ZNF469: variants seen among roughly 807,000 people sequenced by gnomAD.
ZNF469 encodes zinc finger protein 469.
A neutral mutation model predicts 1.0 loss-of-function variants in ZNF469; 1 was observed. The ratio of observed to expected loss-of-function variants is 1.00; its 90% confidence interval spans 0.35 to 4.73. The LOEUF (loss-of-function observed/expected upper bound fraction) is 4.73, where lower values mean the gene tolerates loss of function less well. ZNF469 is among the 30% of genes most tolerant of loss of function. ZNF469 has a pLI of 0.16. For synonymous variants in ZNF469, 2,703 were observed against 2,363.4 expected (o/e 1.14, Z -4.17); for missense variants, 6,100 against 5,356.3 (o/e 1.14, Z -4.33).
chr16:88,392,233 G>T (rs971471927), intron 1 of ZNF469, among the ~76,000 whole-genome samples: 66 of 152,256 alleles, frequency 4.3e-4, no homozygotes, highest in African/African-American at 1.6e-3. Flanking sequence ...CTTGTACCGT[G>T]TCTTGATTCT....
chr16:88,407,706 C>T (rs1345520810), intron 1 of ZNF469, among the ~76,000 whole-genome samples: 1 of 152,232 alleles, frequency 6.6e-6, no homozygotes, highest in African/African-American at 2.4e-5. Context: ...GCCCCCAAGT[C>T]CCACCTGTGG....
the ZNF469 span, among the ~76,000 whole-genome samples, chr16:88,201,041 C>T: frequency 6.6e-6 from 1 of 152,218 alleles, no homozygotes; most frequent in Non-Finnish European, 1.5e-5. This position sits in a 1 kb window ranked among gnomAD's most constrained non-coding sequence, Gnocchi z 5.0. Flanking sequence ...CGGGCTGGAG[C>T]CAGAGGCTGG....
In ZNF469 at chr16:88,429,638, G is replaced by C. The variant is rs777747160; in HGVS notation, c.2168G>C (p.Ser723Thr). 210 of 1,543,978 alleles carry C rather than the reference G, an allele frequency of 1.4e-4. No homozygotes were observed. Among genetic ancestry groups the C allele is most frequent in the Middle Eastern group, 1.2e-3 (7 of 5,972 alleles). The part of the protein sequence containing the change: ...PTHHFSLSSA[S>T]LDQLDVLLTC... ...CACCACTTCTCCCTCAGCAGCGCCA[G>C]CCTGGACCAGCTGGACGTGCTGCTG... Residue 723 changes from serine to threonine, a missense_variant, in exon 3 of 3, where the codon AGC (serine) becomes ACC (threonine). Physicochemically the swap from Ser to Thr is moderately conservative, Grantham distance 58. Coordinates refer to ENST00000565624, the MANE Select transcript of ZNF469 (RefSeq NM_001367624.2).
the ZNF469 span, among the ~76,000 whole-genome samples, chr16:88,179,901 T>G: frequency 4.6e-5 from 7 of 152,236 alleles, no homozygotes; most frequent in African/African-American, 1.7e-4. Context: ...TGCTGTCAGG[T>G]TACTACATGT....
At chr16:88,298,502 G>A in the ZNF469 span, among the ~76,000 whole-genome samples, 34 of 152,334 alleles carry the variant, frequency 2.2e-4, no homozygotes, top group East Asian at 6.0e-3. Flanking sequence ...CCTGGAAGGC[G>A]AAACTCAAAA....
the ZNF469 span, among the ~76,000 whole-genome samples, chr16:88,344,121 G>T: frequency 1.0e-3 from 155 of 152,046 alleles, no homozygotes; most frequent in African/African-American, 3.7e-3. Flanking sequence ...ACACCTGAGC[G>T]GTCCTCACAA....
the ZNF469 span, among the ~76,000 whole-genome samples, chr16:88,128,519 G>C: frequency 2.0e-5 from 3 of 152,162 alleles, no homozygotes; most frequent in Non-Finnish European, 4.4e-5. Context: ...ACTTTGCTTA[G>C]AGGGTGCTCC....
chr16:88,166,664 G>A, the ZNF469 span, among the ~76,000 whole-genome samples: 11 of 151,830 alleles, frequency 7.2e-5, no homozygotes, highest in South Asian at 2.1e-4. This position sits in a 1 kb window ranked among gnomAD's most constrained non-coding sequence, Gnocchi z 4.5. Context: ...ATTGGAAACC[G>A]CCCATCGATA....
the ZNF469 span, chr16:88,179,049 G>A: frequency 2.8e-3 from 431 of 152,312 alleles, 1 homozygote; most frequent in African/African-American, 9.8e-3. Flanking sequence ...GAAGACGGGC[G>A]TGTGATCCTG....
the ZNF469 span, among the ~76,000 whole-genome samples, chr16:88,319,925 C>T: frequency 6.6e-6 from 1 of 152,210 alleles, no homozygotes; most frequent in Non-Finnish European, 1.5e-5. Context: ...ATGGTGGGCT[C>T]CTGACCCTCA....
At chr16:88,312,829 C>T in the ZNF469 span, among the ~76,000 whole-genome samples, 4 of 152,162 alleles carry the variant, frequency 2.6e-5, no homozygotes, top group African/African-American at 9.7e-5. Flanking sequence ...AGCCCCAAAC[C>T]GCATTTTACT....
At chr16:88,393,634 C>T (rs1356801840) in intron 1 of ZNF469, among the ~76,000 whole-genome samples, 1 of 152,196 alleles carries the variant, frequency 6.6e-6, no homozygotes, top group Non-Finnish European at 1.5e-5. Flanking sequence ...GGGTGGGGGT[C>T]AGCCCTGGAG....
the ZNF469 span, among the ~76,000 whole-genome samples, chr16:88,113,525 C>G: frequency 6.6e-6 from 1 of 152,138 alleles, no homozygotes; most frequent in Non-Finnish European, 1.5e-5. Flanking sequence ...GGACGCAGGA[C>G]GTGAGGACCT....
At chr16:88,149,825 T>G in the ZNF469 span, among the ~76,000 whole-genome samples, 5 of 152,188 alleles carry the variant, frequency 3.3e-5, no homozygotes, top group Admixed American at 1.3e-4. Flanking sequence ...GCTGAGGAAC[T>G]GGTCTATAAA....
At chr16:88,331,069 C>T in the ZNF469 span, among the ~76,000 whole-genome samples, 6 of 150,682 alleles carry the variant, frequency 4.0e-5, no homozygotes, top group African/African-American at 1.2e-4. Flanking sequence ...ACAACCATCA[C>T]GACCACCACC....
chr16:88,273,529 C>G, the ZNF469 span, among the ~76,000 whole-genome samples: 1 of 152,170 alleles, frequency 6.6e-6, no homozygotes, highest in Non-Finnish European at 1.5e-5. Flanking sequence ...CGTAGGGACA[C>G]TGGAACCCTC....
the ZNF469 span, among the ~76,000 whole-genome samples, chr16:88,297,143 G>A: frequency 1.3e-5 from 2 of 152,226 alleles, no homozygotes; most frequent in Non-Finnish European, 2.9e-5. Context: ...CTCTAGCCTC[G>A]AAACCTGCAT....
the ZNF469 span, among the ~76,000 whole-genome samples, chr16:88,358,032 A>G: frequency 6.6e-6 from 1 of 152,202 alleles, no homozygotes; most frequent in Non-Finnish European, 1.5e-5. Flanking sequence ...GAGTGGTCAC[A>G]TGGACACGCG....
chr16:88,199,148 C>G, the ZNF469 span, among the ~76,000 whole-genome samples: 3 of 152,094 alleles, frequency 2.0e-5, no homozygotes, highest in Non-Finnish European at 2.9e-5. Context: ...TGGTTTCCTA[C>G]GAGGAGGCTG....
Sources: allele counts gnomAD v4.1 joint callset (sites outside exome capture counted in the v4.1 genomes callset), GRCh38; gene constraint gnomAD v4.1.1; non-coding constraint Gnocchi (gnomAD v3.1); transcripts MANE v1.5; gene names NCBI Gene and HGNC (gene_info 2026-07-23, HGNC 2026-07-21).